The following MCF2L2 variants were observed in gnomAD, a reference collection of about 807,000 sequenced individuals.
MCF2L2 encodes probable guanine nucleotide exchange factor MCF2L2.
In MCF2L2, 102 loss-of-function variants were observed where a neutral mutation model predicts 150.2. The ratio of observed to expected loss-of-function variants is 0.68; its 90% CI spans 0.58 to 0.80. The LOEUF (loss-of-function observed/expected upper bound fraction) is 0.80. Ranked by LOEUF, MCF2L2 falls within the 30% of genes least tolerant of loss-of-function variation. The pLI is 0.00. For missense variants in MCF2L2, 1,256 were observed against 1,372.8 expected (o/e 0.91, Z 1.34); for synonymous variants, 465 against 491.3 (o/e 0.95, Z 0.71).
intron 3 of MCF2L2, among the ~76,000 whole-genome samples, chr3:183,351,885 A>C (rs558644403): frequency 1.4e-4 from 21 of 152,318 alleles, no homozygotes; most frequent in African/African-American, 4.3e-4. Flanking sequence ...GGGCTAACAG[A>C]AGCTCATCTC....
At chr3:183,297,404 T>C (rs1728573864) in intron 11 of MCF2L2, 1 of 472,294 alleles carries the variant, frequency 2.1e-6, no homozygotes. Context: ...GTCAGCAAAA[T>C]GAGTCTCTTC....
At chr3:183,422,081 C>G (rs1715913061) in intron 1 of MCF2L2, among the ~76,000 whole-genome samples, 1 of 152,188 alleles carries the variant, frequency 6.6e-6, no homozygotes, top group African/African-American at 2.4e-5. Flanking sequence ...TTGCTCCAGT[C>G]TTATTCAATT....
In MCF2L2 at chr3:183,310,968, G is replaced by C; in HGVS notation, c.940C>G (p.Leu314Val). The C allele has an allele frequency of 6.2e-7, 1 of 1,614,084 alleles. No homozygotes were observed. The change falls in exon 9 of 30, where the codon CTG becomes GTG. Residue 314 changes from leucine (L) to valine (V), a missense_variant. Coordinates refer to ENST00000328913, the MANE Select transcript of MCF2L2 (RefSeq NM_015078.4). ...AFSHFWSEHH[L>V]KLNQCLQLQH... ...AGTTGTAGGCACTGGTTAAGCTTCA[G>C]ATGATGCTCAGACCAAAAGTGACTA...
At chr3:183,186,894 A>G (rs746547482) in intron 27 of MCF2L2, among the ~76,000 whole-genome samples, 8 of 152,232 alleles carry the variant, frequency 5.3e-5, no homozygotes, top group African/African-American at 1.9e-4. Context: ...CTGCAAGAAG[A>G]TATTAATGGT....
At chr3:183,291,450 T>C (rs185736870) in intron 13 of MCF2L2, among the ~76,000 whole-genome samples, 2 of 152,356 alleles carry the variant, frequency 1.3e-5, no homozygotes, top group Admixed American at 1.3e-4. Context: ...ATACAATGCA[T>C]AACACATTTT....
intron 1 of MCF2L2, among the ~76,000 whole-genome samples, chr3:183,418,811 G>A (rs1715726786): frequency 6.6e-6 from 1 of 152,226 alleles, no homozygotes; most frequent in Non-Finnish European, 1.5e-5. Flanking sequence ...CACTGCAGCT[G>A]CTTTCACAGG....
intron 6 of MCF2L2, among the ~76,000 whole-genome samples, chr3:183,322,837 C>A (rs1729868795): frequency 6.6e-6 from 1 of 152,124 alleles, no homozygotes. Context: ...AATGTAGCTT[C>A]TTCTGACTTC....
At chr3:183,223,955 A>T (rs950552272) in intron 19 of MCF2L2, 143 bp downstream of exon 19, 6 of 702,032 alleles carry the variant, frequency 8.5e-6, no homozygotes, top group African/African-American at 1.8e-5. Flanking sequence ...ACAACTTTTC[A>T]TGTGTAATTT....
At chr3:183,390,801 G>A (rs1298594999) in intron 1 of MCF2L2, among the ~76,000 whole-genome samples, 3 of 152,154 alleles carry the variant, frequency 2.0e-5, no homozygotes, top group Non-Finnish European at 4.4e-5. Flanking sequence ...GGAGGCTGAG[G>A]CAGGAGAATC....
chr3:183,207,731 A>C lies in MCF2L2; in HGVS notation c.2589T>G (p.Ile863Met). The C allele has an allele frequency of 6.2e-7, 1 of 1,614,232 alleles. No individual in the cohort carries two copies. The highest frequency in any genetic ancestry group is 8.5e-7 in the Non-Finnish European group (1 of 1,180,032). The change falls in exon 23 of 30, where the codon ATT becomes ATG. Residue 863 changes from isoleucine to methionine, a missense_variant. Ile to Met is a conservative substitution (Grantham distance 10). Transcript: ENST00000328913. ...HKDRYKMKDL[I>M]RFKPSQRQIY... Reference sequence around the variant, plus strand: ...TTTGCCTCTGGCTGGGTTTAAATCGAATCAAATCCTTCATTTTATAACGAT... The same window carrying C: ...TTTGCCTCTGGCTGGGTTTAAATCGCATCAAATCCTTCATTTTATAACGAT...
chr3:183,392,195 T>C (rs1714193853), intron 1 of MCF2L2, among the ~76,000 whole-genome samples: 1 of 152,206 alleles, frequency 6.6e-6, no homozygotes, highest in South Asian at 2.1e-4. Flanking sequence ...GAGCAGACAT[T>C]AGCGAAGTCA....
chr3:183,340,308 T>G (rs1462766097), intron 4 of MCF2L2, among the ~76,000 whole-genome samples: 1 of 152,172 alleles, frequency 6.6e-6, no homozygotes, highest in Non-Finnish European at 1.5e-5. Flanking sequence ...CAGGTTTAAG[T>G]GAGGTTTCAA....
intron 15 of MCF2L2, among the ~76,000 whole-genome samples, chr3:183,245,358 G>A (rs1486210196): frequency 6.6e-6 from 1 of 152,180 alleles, no homozygotes; most frequent in East Asian, 1.9e-4. Context: ...GTGCCATGAG[G>A]AGTAAACTCC....
At chr3:183,324,124 A>G (rs1357071728) in intron 5 of MCF2L2, among the ~76,000 whole-genome samples, 6 of 152,234 alleles carry the variant, frequency 3.9e-5, no homozygotes, top group Non-Finnish European at 8.8e-5. Flanking sequence ...AAGAGTATGC[A>G]TTGAAAAGAC....
At chr3:183,427,825 C>T (rs1178741043) in intron 1 of MCF2L2, 77 bp downstream of exon 1, 21 of 1,285,164 alleles carry the variant, frequency 1.6e-5, no homozygotes, top group Non-Finnish European at 2.3e-5. Flanking sequence ...GCGGGTGAGG[C>T]CAGGAGCCAG....
intron 15 of MCF2L2, among the ~76,000 whole-genome samples, chr3:183,275,573 A>T (rs151202402): frequency 6.6e-6 from 1 of 152,194 alleles, no homozygotes; most frequent in Admixed American, 6.5e-5. Flanking sequence ...TGTGTTTCTC[A>T]TAAGTATGAT....
intron 3 of MCF2L2, chr3:183,379,027 A>T: frequency 2.6e-6 from 1 of 390,682 alleles, no homozygotes; most frequent in Non-Finnish European, 4.5e-6. Flanking sequence ...AAGGCAACAC[A>T]GCTGCTCAGT....
chr3:183,397,946 G>A (rs1714551940), intron 1 of MCF2L2, among the ~76,000 whole-genome samples: 1 of 152,182 alleles, frequency 6.6e-6, no homozygotes, highest in Non-Finnish European at 1.5e-5. Context: ...ATACATCTAT[G>A]CTACTGACAG....
chr3:183,290,126 T>C (rs1165231171), intron 13 of MCF2L2, among the ~76,000 whole-genome samples: 2 of 152,148 alleles, frequency 1.3e-5, no homozygotes, highest in African/African-American at 4.8e-5. Context: ...CACAATCACT[T>C]AGTATATTTC....
Sources: gnomAD v4.1 joint callset for allele counts (sites outside exome capture counted in the v4.1 genomes callset) on GRCh38, gnomAD v4.1.1 for gene constraint, MANE v1.5 for transcripts, NCBI Gene and HGNC (gene_info 2026-07-23, HGNC 2026-07-21) for gene names.